ITGA9: variants seen among roughly 807,000 people sequenced by gnomAD.
ITGA9 encodes integrin subunit alpha 9, also known as integrin alpha-9.
Under a neutral mutation model 127.8 loss-of-function variants are expected in ITGA9, and 56 were observed. The observed-to-expected ratio is 0.44, with a 90% CI of 0.35 to 0.55. The LOEUF (loss-of-function observed/expected upper bound fraction) is 0.55. Among genes scored for constraint, ITGA9 ranks in the 20% least tolerant of loss-of-function variants. ITGA9 has a pLI of 0.00. For missense variants in ITGA9, 1,196 were observed against 1,347.1 expected (o/e 0.89, Z 1.76); for synonymous variants, 508 against 514.5 (o/e 0.99, Z 0.17).
chr3:37,527,962 A>AT (rs1308142905), intron 13 of ITGA9, among the ~76,000 whole-genome samples: 1 of 151,842 alleles, frequency 6.6e-6, no homozygotes, highest in African/African-American at 2.4e-5. Context: ...ATTTTTTAAT[A>AT]TTTTTAGTAG....
chr3:37,550,933 C>T (rs374072182), intron 15 of ITGA9, among the ~76,000 whole-genome samples: 5 of 152,120 alleles, frequency 3.3e-5, no homozygotes, highest in South Asian at 4.1e-4. Context: ...ATGGGTATAT[C>T]GCATACTGGT....
At position 37,466,483 on chromosome 3, in the gene ITGA9, C is replaced by CAAA. The variant is rs60980366; in HGVS notation, c.186-4496_186-4494dup. On this transcript the variant is annotated intron_variant, in intron 1 of 27. Transcript: ENST00000264741. ...TGGGTAACAGAGCAAGACACCATCT[C>CAAA]AAAAAAAAAAAAAAAAAAAAAAAAA... is the stretch of plus-strand genomic sequence containing the variant. Among the ~76,000 whole-genome samples the CAAA allele has an allele frequency of 6.8e-3, 176 of 26,028 alleles. 44 individuals are homozygous for CAAA. The highest frequency in any genetic ancestry group is 0.019 in the African/African-American group (97 of 5,204). 17.1% of individuals were successfully genotyped at this position (26,028 alleles called of 152,430 possible). A position where few individuals can be genotyped will look rare whatever the true frequency, so the allele number is the denominator to read the frequency against.
intron 17 of ITGA9, among the ~76,000 whole-genome samples, chr3:37,667,232 A>G (rs1332162736): frequency 6.6e-6 from 1 of 152,194 alleles, no homozygotes; most frequent in Non-Finnish European, 1.5e-5. Context: ...CTTCCTAGGA[A>G]TACTTTCATT....
Position 37,503,187 on chromosome 3 carries a change from G to A in ITGA9, c.622G>A (p.Val208Met). The A allele has an allele frequency of 6.2e-7, 1 of 1,613,934 alleles. No homozygotes were observed. The highest frequency in any genetic ancestry group is 8.5e-7 in the Non-Finnish European group (1 of 1,179,904). The change falls in exon 6 of 28, where the codon GTG (valine) becomes ATG (methionine). Residue 208 changes from valine (V) to methionine (M), a missense_variant. By Grantham distance (21) the Val-to-Met change is conservative (BLOSUM62 1). Transcript: ENST00000264741. ...GATTTCTTTTTGGTAGGAGCTGGTGGTGATGGGTGCTCCAGGGTCATTTTA... is the reference window on the plus strand; with the variant it reads ...GATTTCTTTTTGGTAGGAGCTGGTGATGATGGGTGCTCCAGGGTCATTTTA... ...IAGFFTEELVVMGAPGSFYWA... is the reference protein window; with the variant it reads ...IAGFFTEELVMMGAPGSFYWA...
At chr3:37,619,285 C>T (rs1285370658) in intron 15 of ITGA9, among the ~76,000 whole-genome samples, 2 of 152,148 alleles carry the variant, frequency 1.3e-5, no homozygotes, top group African/African-American at 4.8e-5. Flanking sequence ...TCCAGCTCTT[C>T]TCACCTCTTT....
At position 37,685,658 on chromosome 3, in the gene ITGA9, T is replaced by G. The variant is rs767416778; in HGVS notation, c.2067+1643T>G. 2.4e-4 allele frequency among the ~76,000 whole-genome samples: 37 copies of G among 152,330 alleles called. No individual in the cohort carries two copies. The Middle Eastern group carries it at 0.01, about 42-fold the overall frequency. On this transcript the variant is annotated intron_variant, in intron 18 of 27. Coordinates refer to ENST00000264741, the MANE Select transcript of ITGA9 (RefSeq NM_002207.3). The stretch of plus-strand genomic sequence containing the variant: ...AAGATGTAATTGGCAACTGGCTCAT[T>G]ACATTACACAGATTTCTCTCACTCA...
intron 23 of ITGA9, among the ~76,000 whole-genome samples, chr3:37,772,987 T>A (rs1447662809): frequency 1.3e-5 from 2 of 152,218 alleles, no homozygotes; most frequent in Non-Finnish European, 2.9e-5. Flanking sequence ...ACTCTGCCCC[T>A]TGGGGTTGAC....
intron 20 of ITGA9, among the ~76,000 whole-genome samples, chr3:37,740,023 TGAG>T (rs751325136): frequency 1.8e-4 from 27 of 152,274 alleles, no homozygotes; most frequent in Non-Finnish European, 2.8e-4. Flanking sequence ...GGAAGACAGA[TGAG>T]GAGCCAGGGC....
intron 4 of ITGA9, among the ~76,000 whole-genome samples, chr3:37,491,405 TGTA>T (rs1698672103): frequency 6.6e-6 from 1 of 152,228 alleles, no homozygotes; most frequent in Non-Finnish European, 1.5e-5. Context: ...CACTAGCTAT[TGTA>T]GTCCTCTCTG....
intron 16 of ITGA9, among the ~76,000 whole-genome samples, chr3:37,637,472 T>C (rs540874960): frequency 1.5e-4 from 23 of 152,274 alleles, no homozygotes; most frequent in East Asian, 1.4e-3. Context: ...GTGATTTTTG[T>C]ACATTGATTT....
intron 15 of ITGA9, among the ~76,000 whole-genome samples, chr3:37,618,330 C>G (rs1033818921): frequency 6.6e-6 from 1 of 152,194 alleles, no homozygotes; most frequent in African/African-American, 2.4e-5. Context: ...GAAGTTTTGT[C>G]TCAGAGGAGT....
chr3:37,461,481 C>T (rs764301310), intron 1 of ITGA9, among the ~76,000 whole-genome samples: 23 of 152,144 alleles, frequency 1.5e-4, no homozygotes, highest in Non-Finnish European at 3.2e-4. Context: ...CACAGTAAGC[C>T]CTTGATAGAT....
intron 14 of ITGA9, among the ~76,000 whole-genome samples, chr3:37,540,226 G>A (rs1427186852): frequency 6.6e-6 from 1 of 152,184 alleles, no homozygotes; most frequent in Non-Finnish European, 1.5e-5. Context: ...ACCTGGGAAG[G>A]AGGCTGGTCA....
intron 25 of ITGA9, among the ~76,000 whole-genome samples, chr3:37,781,618 G>A (rs1290833899): frequency 1.3e-5 from 2 of 152,172 alleles, no homozygotes; most frequent in South Asian, 4.1e-4. Context: ...GCTGCTGAGA[G>A]GCCACTTCCA....
intron 17 of ITGA9, among the ~76,000 whole-genome samples, chr3:37,674,333 A>G (rs1023572823): frequency 1.3e-5 from 2 of 152,188 alleles, no homozygotes; most frequent in African/African-American, 4.8e-5. Flanking sequence ...CACCATACCA[A>G]CATTCTGGGA....
chr3:37,470,876 G>A, intron 1 of ITGA9, 131 bp from the exon 2 acceptor site: 6 of 915,000 alleles, frequency 6.6e-6, no homozygotes, highest in Non-Finnish European at 1.1e-5. Context: ...AGCCCACACA[G>A]AAAAGTATAA....
In ITGA9 at chr3:37,542,524, C is replaced by T. The variant is rs1043426144; in HGVS notation, c.1628C>T (p.Thr543Ile). The change falls in exon 15 of 28, where the codon ACA becomes ATA. Residue 543 changes from threonine to isoleucine, a missense_variant. By Grantham distance (89) the Thr-to-Ile change is moderately conservative. Transcript: ENST00000264741. The part of the protein sequence containing the change: ...VLLGETMGQV[T>I]EKLQLTYMEE... Reference sequence around the variant, plus strand: ...CTGGGAGAGACCATGGGTCAGGTCACAGAGAAGCTGCAGCTGACTTACATG... The same window carrying T: ...CTGGGAGAGACCATGGGTCAGGTCATAGAGAAGCTGCAGCTGACTTACATG... 6.2e-7 allele frequency: 1 copy of T among 1,614,170 alleles called. No homozygotes were observed. Among genetic ancestry groups the T allele is most frequent in the Non-Finnish European group, 8.5e-7 (1 of 1,180,034 alleles).
At chr3:37,693,447 G>A (rs1007586607) in intron 18 of ITGA9, among the ~76,000 whole-genome samples, 6 of 152,280 alleles carry the variant, frequency 3.9e-5, no homozygotes, top group African/African-American at 1.2e-4. Flanking sequence ...GGGCTTGTAA[G>A]TTTGTTTTTC....
At chr3:37,470,269 G>A (rs1306473172) in intron 1 of ITGA9, among the ~76,000 whole-genome samples, 1 of 151,308 alleles carries the variant, frequency 6.6e-6, no homozygotes, top group Non-Finnish European at 1.5e-5. Flanking sequence ...GTAGGTGCAT[G>A]TTCAGCTTTA....
Sources: gnomAD v4.1 joint callset for allele counts (sites outside exome capture counted in the v4.1 genomes callset) on GRCh38, gnomAD v4.1.1 for gene constraint, MANE v1.5 for transcripts, NCBI Gene and HGNC (gene_info 2026-07-23, HGNC 2026-07-21) for gene names.